The following CSMD1 variants were observed in gnomAD, a reference collection of about 807,000 sequenced individuals.
CSMD1 encodes CUB and Sushi multiple domains 1.
In CSMD1, 213 loss-of-function variants were observed where a neutral mutation model predicts 417.5. That is an observed-to-expected ratio of 0.51 (90% CI 0.46 to 0.57). The LOEUF (loss-of-function observed/expected upper bound fraction) is 0.57, where lower values mean the gene tolerates loss of function less well. CSMD1 is among the 20% of genes least tolerant of loss of function. The pLI is 0.00. For missense variants in CSMD1, 6,923 were observed against 4,529.7 expected (o/e 1.53, Z -15.17); for synonymous variants, 2,862 against 1,736.8 (o/e 1.65, Z -16.11).
Position 3,555,077 on chromosome 8 carries a change from C to T in CSMD1, c.1344+19868G>A, listed in dbSNP as rs1046138226. 8.5e-5 allele frequency among the ~76,000 whole-genome samples: 13 copies of T among 152,134 alleles called. 1 individual carries two copies. The South Asian group carries it at 1.7e-3, about 19-fold the overall frequency. On this transcript the variant is annotated intron_variant, in intron 10 of 69. Coordinates refer to ENST00000635120, the MANE Select transcript of CSMD1 (RefSeq NM_033225.6). The stretch of plus-strand genomic sequence containing the variant: ...AAGGCTAAGGAGCCAGGAGAGCCCT[C>T]GGCAAGTGCAGCCGTAGGACCCGTG...
chr8:3,161,665 A>G (rs1819905027), intron 38 of CSMD1, among the ~76,000 whole-genome samples: 1 of 151,576 alleles, frequency 6.6e-6, no homozygotes, highest in African/African-American at 2.4e-5. Flanking sequence ...TATAGAAGAT[A>G]GTAAAAGTTC....
chr8:4,130,561 T>G (rs1251255523), intron 3 of CSMD1, among the ~76,000 whole-genome samples: 1 of 152,162 alleles, frequency 6.6e-6, no homozygotes, highest in East Asian at 1.9e-4. Flanking sequence ...TTTAAATCAA[T>G]TACCACTGAC....
chr8:3,815,592 T>C (rs1490171249), intron 5 of CSMD1, among the ~76,000 whole-genome samples: 1 of 150,638 alleles, frequency 6.6e-6, no homozygotes, highest in Non-Finnish European at 1.5e-5. Flanking sequence ...TAAAAATTAA[T>C]ATGACTTAAA....
intron 1 of CSMD1, among the ~76,000 whole-genome samples, chr8:4,719,857 T>C (rs571593155): frequency 6.6e-6 from 1 of 152,286 alleles, no homozygotes; most frequent in South Asian, 2.1e-4. Context: ...TAGTATAAAA[T>C]ATGGGAAAGG....
At chr8:4,444,324 G>C (rs1007161521) in intron 2 of CSMD1, among the ~76,000 whole-genome samples, 1 of 118,184 alleles carries the variant, frequency 8.5e-6, no homozygotes, top group Non-Finnish European at 1.6e-5. Flanking sequence ...TCAAGCCTGG[G>C]CTACAGAGTG....
intron 1 of CSMD1, among the ~76,000 whole-genome samples, chr8:4,866,651 A>T (rs1393525248): frequency 6.6e-6 from 1 of 151,936 alleles, no homozygotes; most frequent in Non-Finnish European, 1.5e-5. Context: ...GCTGGTTCTA[A>T]TGCTCTCTTC....
At chr8:3,094,215 C>G (rs2129009570) in intron 47 of CSMD1, among the ~76,000 whole-genome samples, 1 of 152,212 alleles carries the variant, frequency 6.6e-6, no homozygotes, top group South Asian at 2.1e-4. Flanking sequence ...AAATGATTCT[C>G]TTGCCTCAGG....
chr8:4,007,334 G>C (rs1563311637), intron 4 of CSMD1, among the ~76,000 whole-genome samples: 1 of 152,132 alleles, frequency 6.6e-6, no homozygotes, highest in Non-Finnish European at 1.5e-5. Context: ...CACCTCCTTT[G>C]GCTCCCATTT....
chr8:3,251,956 T>G lies in CSMD1; in HGVS notation c.4154-21725A>C, dbSNP rs537967157. On this transcript the variant is annotated intron_variant, in intron 26 of 69. Coordinates refer to ENST00000635120, the MANE Select transcript of CSMD1 (RefSeq NM_033225.6). ...CTGAAGTTGCTTATCAGCTTAAGGA[T>G]ATTTTGGGCTGAGACAATGCGGTTT... Among the ~76,000 whole-genome samples, 517 of 152,294 alleles carry G rather than the reference T, an allele frequency of 3.4e-3. 2 individuals are homozygous for G. The highest frequency in any genetic ancestry group is 6.3e-3 in the Admixed American group (97 of 15,296).
intron 12 of CSMD1, among the ~76,000 whole-genome samples, chr8:3,438,003 A>T (rs1250265595): frequency 6.6e-6 from 1 of 152,160 alleles, no homozygotes; most frequent in Non-Finnish European, 1.5e-5. Context: ...AGCCTCCCAA[A>T]GTACTGATAC....
At chr8:3,834,515 G>T (rs1039963829) in intron 5 of CSMD1, among the ~76,000 whole-genome samples, 1 of 152,188 alleles carries the variant, frequency 6.6e-6, no homozygotes, top group Non-Finnish European at 1.5e-5. Context: ...GAGAAACGGG[G>T]TAGAAGCTGC....
chr8:3,764,739 C>CTTTTTTTTTTTTTTTTT (rs66603480), intron 5 of CSMD1, among the ~76,000 whole-genome samples: 2 of 129,788 alleles, frequency 1.5e-5, no homozygotes. Context: ...TTTTCTCTTT[C>CTTTTTTTTTTTTTTTTT]TTTTTTTTTT....
chr8:3,900,276 T>C (rs1473374731), intron 5 of CSMD1, among the ~76,000 whole-genome samples: 2 of 149,730 alleles, frequency 1.3e-5, no homozygotes, highest in African/African-American at 5.0e-5. Context: ...CACAGCTGCG[T>C]GACAGTGCAG....
intron 2 of CSMD1, among the ~76,000 whole-genome samples, chr8:4,462,987 A>G (rs534886886): frequency 2.2e-3 from 330 of 152,348 alleles, no homozygotes; most frequent in African/African-American, 7.6e-3. Flanking sequence ...TTGTATTTCA[A>G]AAAACATTAG....
intron 30 of CSMD1, among the ~76,000 whole-genome samples, chr8:3,209,130 C>T (rs1218920630): frequency 6.6e-6 from 1 of 152,208 alleles, no homozygotes; most frequent in East Asian, 1.9e-4. Flanking sequence ...AAAACTGACT[C>T]AGAACTTTTG....
intron 38 of CSMD1, among the ~76,000 whole-genome samples, chr8:3,159,457 A>T (rs1268941353): frequency 6.6e-6 from 1 of 152,230 alleles, no homozygotes; most frequent in Admixed American, 6.5e-5. Context: ...TCAGCGTGTG[A>T]TGTCATGGCA....
intron 10 of CSMD1, among the ~76,000 whole-genome samples, chr8:3,553,396 G>A (rs542762246): frequency 2.0e-4 from 31 of 152,194 alleles, no homozygotes; most frequent in Non-Finnish European, 3.8e-4. Context: ...GACAGAGTGT[G>A]ACAGACCCAG....
rs1308887799 is a variant in CSMD1, at chr8:2,935,935, T to G, written c.*2650A>C. ...CTCTGAAGCACGTGTCCTCTGTTAG[T>G]GTGTGGTCGCGTCCCTCACGCGTGT... On this transcript the variant is annotated 3_prime_UTR_variant, in exon 70 of 70. Transcript: ENST00000635120. 3 of 152,240 alleles carry G rather than the reference T, an allele frequency of 2.0e-5. No homozygotes were observed. Among genetic ancestry groups the G allele is most frequent in the Admixed American group, 6.5e-5 (1 of 15,290 alleles). The allele number at this position is 152,240 out of a possible 1,614,324, so 9.4% of individuals were successfully genotyped here.
intron 5 of CSMD1, among the ~76,000 whole-genome samples, chr8:3,794,163 G>A (rs565309787): frequency 4.6e-5 from 7 of 152,266 alleles, no homozygotes; most frequent in African/African-American, 7.2e-5. Context: ...CCCAGCAAAT[G>A]ACTTTATGTT....
Sources: gnomAD v4.1 joint callset for allele counts (sites outside exome capture counted in the v4.1 genomes callset) on GRCh38, gnomAD v4.1.1 for gene constraint, MANE v1.5 for transcripts, NCBI Gene and HGNC (gene_info 2026-07-23, HGNC 2026-07-21) for gene names.